TTC28: variants seen among roughly 807,000 people sequenced by gnomAD.
TTC28 encodes tetratricopeptide repeat domain 28, also known as tetratricopeptide repeat protein 28.
TTC28 carries 61 observed loss-of-function variants against 198.0 expected under a neutral mutation model. The ratio of observed to expected loss-of-function variants is 0.31; its 90% CI spans 0.25 to 0.38. The LOEUF (loss-of-function observed/expected upper bound fraction) is 0.38, where lower values mean the gene tolerates loss of function less well. Among genes scored for constraint, TTC28 ranks in the 10% least tolerant of loss-of-function variants. The pLI, the probability that TTC28 is intolerant of heterozygous loss-of-function variation, is 1.00. For synonymous variants in TTC28, 1,171 were observed against 1,297.8 expected (o/e 0.90, Z 2.10); for missense variants, 2,678 against 3,164.0 (o/e 0.85, Z 3.69).
chr22:28,611,663 C>T (rs1472929038), intron 2 of TTC28, among the ~76,000 whole-genome samples: 1 of 123,018 alleles, frequency 8.1e-6, no homozygotes, highest in Non-Finnish European at 1.8e-5. Flanking sequence ...CCCCGCTCCC[C>T]CTACCCCACC....
chr22:28,383,100 G>T (rs2046521446), intron 2 of TTC28, among the ~76,000 whole-genome samples: 1 of 152,114 alleles, frequency 6.6e-6, no homozygotes, highest in Admixed American at 6.5e-5. Flanking sequence ...TTCCAGGTAA[G>T]AAGTACTGTA....
At chr22:28,306,171 T>C (rs1351379220) in intron 3 of TTC28, among the ~76,000 whole-genome samples, 1 of 152,182 alleles carries the variant, frequency 6.6e-6, no homozygotes, top group Non-Finnish European at 1.5e-5. Context: ...AATTTCAGAC[T>C]ACAGAAAAAC....
chr22:28,554,945 A>G (rs2049764248), intron 2 of TTC28, among the ~76,000 whole-genome samples: 1 of 152,196 alleles, frequency 6.6e-6, no homozygotes, highest in African/African-American at 2.4e-5. Flanking sequence ...AAGTCTTCGC[A>G]ATCTATATAT....
intron 2 of TTC28, among the ~76,000 whole-genome samples, chr22:28,610,153 G>T (rs763003792): frequency 6.6e-6 from 1 of 152,180 alleles, no homozygotes; most frequent in Non-Finnish European, 1.5e-5. Flanking sequence ...GTGTGGCCAT[G>T]GGTGCAGCTT....
At chr22:28,263,292 C>G (rs764304210) in intron 5 of TTC28, among the ~76,000 whole-genome samples, 1 of 152,048 alleles carries the variant, frequency 6.6e-6, no homozygotes, top group Non-Finnish European at 1.5e-5. Flanking sequence ...CCTCACTTTA[C>G]AGAGGAGTAA....
chr22:28,149,359 G>T (rs1943551210), intron 6 of TTC28, among the ~76,000 whole-genome samples: 1 of 152,126 alleles, frequency 6.6e-6, no homozygotes, highest in African/African-American at 2.4e-5. Flanking sequence ...CAACCTAAGT[G>T]TCCATCATGG....
At chr22:28,089,911 C>A (rs1941760109) in intron 12 of TTC28, among the ~76,000 whole-genome samples, 1 of 151,404 alleles carries the variant, frequency 6.6e-6, no homozygotes, top group Non-Finnish European at 1.5e-5. Context: ...GGGAATTGAA[C>A]AATGAGAACA....
chr22:28,617,332 G>GA (rs35868414), intron 2 of TTC28, among the ~76,000 whole-genome samples: 1,768 of 122,120 alleles, frequency 0.014, 33 homozygotes, highest in East Asian at 0.1. Context: ...AACTTTTTTT[G>GA]AAAAAAAAAA....
chr22:28,388,108 T>C (rs1036905763), intron 2 of TTC28, among the ~76,000 whole-genome samples: 1 of 152,220 alleles, frequency 6.6e-6, no homozygotes, highest in African/African-American at 2.4e-5. Flanking sequence ...GGGAATCCTT[T>C]CCCCATTGCT....
At chr22:28,295,671 C>T (rs1009013007) in intron 5 of TTC28, among the ~76,000 whole-genome samples, 1 of 152,132 alleles carries the variant, frequency 6.6e-6, no homozygotes, top group Admixed American at 6.5e-5. Flanking sequence ...CATGTTACAT[C>T]TACTGAATAT....
chr22:28,631,681 C>T (rs1008127810), intron 1 of TTC28, among the ~76,000 whole-genome samples: 1 of 151,974 alleles, frequency 6.6e-6, no homozygotes, highest in Non-Finnish European at 1.5e-5. Flanking sequence ...TGCACCACCC[C>T]GCCTGGCTGA....
At chr22:28,059,761 C>A (rs1368467236) in intron 12 of TTC28, among the ~76,000 whole-genome samples, 1 of 151,776 alleles carries the variant, frequency 6.6e-6, no homozygotes, top group African/African-American at 2.4e-5. Context: ...CTTTTAATGT[C>A]TTCTTGGTAA....
intron 12 of TTC28, among the ~76,000 whole-genome samples, chr22:28,089,692 A>AAATAT (rs1941749426): frequency 1.3e-5 from 2 of 149,944 alleles, no homozygotes; most frequent in African/African-American, 2.4e-5. Flanking sequence ...AAATAAAATA[A>AAATAT]AAAATAAAAA....
At chr22:28,643,852 T>C (rs375262473) in intron 1 of TTC28, among the ~76,000 whole-genome samples, 13 of 152,202 alleles carry the variant, frequency 8.5e-5, no homozygotes, top group African/African-American at 3.1e-4. Context: ...CTGGCACAGT[T>C]CTAAGTACTT....
chr22:28,304,210 G>A (rs917135368), intron 3 of TTC28, among the ~76,000 whole-genome samples: 4 of 151,960 alleles, frequency 2.6e-5, no homozygotes, highest in Non-Finnish European at 4.4e-5. Context: ...GCGTGAACCC[G>A]GGAGGCGGAG....
At chr22:28,672,009 A>C (rs2051895447) in intron 1 of TTC28, among the ~76,000 whole-genome samples, 1 of 150,128 alleles carries the variant, frequency 6.7e-6, no homozygotes, top group African/African-American at 2.5e-5. Flanking sequence ...TTAAAATAGA[A>C]ATAAACCATT....
At chr22:28,055,789 T>A (rs1268962270) in intron 12 of TTC28, among the ~76,000 whole-genome samples, 3 of 152,104 alleles carry the variant, frequency 2.0e-5, no homozygotes, top group Non-Finnish European at 4.4e-5. Context: ...CCATCATTAA[T>A]CCATGCAAGG....
intron 2 of TTC28, among the ~76,000 whole-genome samples, chr22:28,503,944 C>G (rs1233695935): frequency 6.6e-6 from 1 of 152,140 alleles, no homozygotes; most frequent in Non-Finnish European, 1.5e-5. Flanking sequence ...AACAAATACA[C>G]CAGCTAAAGA....
At chr22:28,597,435 C>T (rs1408849403) in intron 2 of TTC28, among the ~76,000 whole-genome samples, 1 of 152,102 alleles carries the variant, frequency 6.6e-6, no homozygotes, top group Non-Finnish European at 1.5e-5. Flanking sequence ...CACCCAGGCC[C>T]CTTCAAAAGA....
Sources: gnomAD v4.1 joint callset for allele counts (sites outside exome capture counted in the v4.1 genomes callset) on GRCh38, gnomAD v4.1.1 for gene constraint, MANE v1.5 for transcripts, NCBI Gene and HGNC (gene_info 2026-07-23, HGNC 2026-07-21) for gene names.